THOP1: variants seen among roughly 807,000 people sequenced by gnomAD.
THOP1 encodes thimet oligopeptidase.
THOP1 carries 49 observed loss-of-function variants against 71.8 expected under a neutral mutation model. The ratio of observed to expected loss-of-function variants is 0.68; its 90% confidence interval spans 0.54 to 0.87. The LOEUF (loss-of-function observed/expected upper bound fraction) is 0.87. THOP1 is among the 40% of genes least tolerant of loss of function. The pLI is 0.00. For synonymous variants in THOP1, 426 were observed against 421.5 expected (o/e 1.01, Z -0.13); for missense variants, 843 against 975.6 (o/e 0.86, Z 1.81).
intron 1 of THOP1, among the ~76,000 whole-genome samples, chr19:2,788,038 G>A (rs1227296756): frequency 1.3e-5 from 2 of 152,196 alleles, no homozygotes; most frequent in Non-Finnish European, 2.9e-5. Context: ...AATTCTGAAT[G>A]TTAAAATGTC....
chr19:2,800,842 TCCCGCGGCCACCCGCACCGTC>T (rs1458111637), intron 5 of THOP1, among the ~76,000 whole-genome samples: 9 of 151,888 alleles, frequency 5.9e-5, no homozygotes, highest in Non-Finnish European at 1.2e-4. Context: ...ACCCACGCCA[TCCCGCGGCCACCCGCACCGTC>T]CCCGCGGCCA....
rs1470492667 is a variant in THOP1 at position 2,785,610 on chromosome 19, G to A, written c.-53G>A. On this transcript the variant is annotated 5_prime_UTR_variant, in exon 1 of 13. The change creates a premature stop within an existing upstream ORF in the 5' untranslated region. Coordinates refer to ENST00000307741, the MANE Select transcript of THOP1 (RefSeq NM_003249.5). ...GCGGCCTCAGTGGCCGAGGTGGCTG[G>A]ACGCGTAGCAGGTGGAAGGAGGGAG... is the stretch of plus-strand genomic sequence containing the variant. The A allele has an allele frequency of 6.7e-6, 10 of 1,498,430 alleles. No individual in the cohort carries two copies. The highest frequency in any genetic ancestry group is 8.9e-6 in the Non-Finnish European group (10 of 1,125,640). The allele number at this position is 1,498,430 out of a possible 1,614,324, so 92.8% of individuals were successfully genotyped here. A position where few individuals can be genotyped will look rare whatever the true frequency, so the allele number is the denominator to read the frequency against.
chr19:2,810,139 G>T lies in THOP1; in HGVS notation c.1456-165G>T, dbSNP rs1485124542. The T allele has an allele frequency of 5.8e-6, 5 of 865,146 alleles. No individual in the cohort carries two copies. The African/African-American group carries it at 8.5e-5, about 15-fold the overall frequency. The allele number at this position is 865,146 out of a possible 1,614,324, so 53.6% of individuals were successfully genotyped here. On this transcript the variant is annotated intron_variant, in intron 9 of 12. Transcript: ENST00000307741. ...ACCGGCAGCCAGCAGCAGCCCAGGG[G>T]CCTCCGGGTCCCGGTCGTTTTCCAG...
chr19:2,800,042 C>G (rs1052039590), intron 5 of THOP1, among the ~76,000 whole-genome samples: 1 of 152,244 alleles, frequency 6.6e-6, no homozygotes, highest in African/African-American at 2.4e-5. Flanking sequence ...AGATTCCACC[C>G]TGATAGAAAA....
rs1916324278 is a variant in THOP1 at position 2,807,474 on chromosome 19, G to C, written c.919G>C (p.Glu307Gln). The C allele has an allele frequency of 3.1e-6, 5 of 1,606,552 alleles. No individual in the cohort carries two copies. The highest frequency in any genetic ancestry group is 4.2e-6 in the Non-Finnish European group (5 of 1,176,668). ...ELAQKLKPLGEQERAVILELK... is the reference protein window; with the variant it reads ...ELAQKLKPLGQQERAVILELK... ...GGCGCAGAAGCTGAAGCCCCTGGGG[G>C]AGCAGGAGCGTGCGGTGATTCTGGA... is the stretch of plus-strand genomic sequence containing the variant. Residue 307 changes from glutamate to glutamine, a missense_variant, in exon 8 of 13, where the codon GAG becomes CAG. Glu to Gln is a conservative substitution (Grantham distance 29, BLOSUM62 2). Transcript: ENST00000307741.
At chr19:2,796,791 TG>T (rs1226598796) in intron 4 of THOP1, among the ~76,000 whole-genome samples, 2 of 152,142 alleles carry the variant, frequency 1.3e-5, no homozygotes, top group Non-Finnish European at 2.9e-5. Flanking sequence ...TTCTTCTGCC[TG>T]AGGACCTGAA....
At chr19:2,812,459 G>A in intron 12 of THOP1, 2 of 1,376,890 alleles carry the variant, frequency 1.5e-6, no homozygotes, top group Non-Finnish European at 1.9e-6. Flanking sequence ...GGTCCGACAA[G>A]CCCCCTGTCT....
rs368323221 is a variant in THOP1, at chr19:2,813,197, G to A, written c.1991G>A (p.Arg664His). ...GCCATGCTGAGGCGCTTCCTGGGCCGTGACCCCAAGCAGGACGCCTTCCTC... is the reference window on the plus strand; with the variant it reads ...GCCATGCTGAGGCGCTTCCTGGGCCATGACCCCAAGCAGGACGCCTTCCTC... ...ASAMLRRFLG[R>H]DPKQDAFLLS... Residue 664 changes from arginine to histidine, a missense_variant, in exon 13 of 13, where the codon CGT becomes CAT. Arg to His is a conservative substitution (Grantham distance 29, BLOSUM62 0). Coordinates refer to ENST00000307741, the MANE Select transcript of THOP1 (RefSeq NM_003249.5). 5.2e-5 allele frequency: 84 copies of A among 1,612,330 alleles called. No homozygotes were observed. The highest frequency in any genetic ancestry group is 6.7e-5 in the Non-Finnish European group (79 of 1,179,788).
rs1916137990 is a variant in THOP1, at chr19:2,801,267, ACT to A, written c.589+1479_589+1480del. On this transcript the variant is annotated intron_variant, in intron 5 of 12. Transcript: ENST00000307741. This position sits in a 1 kb window ranked among gnomAD's most constrained non-coding sequence, Gnocchi z 5.1. The stretch of plus-strand genomic sequence containing the variant: ...GCATCAGCCAGCTGGTTCTGCACAG[ACT>A]CTGCTGGCTCATGTGGGTTCCAGCC... Among the ~76,000 whole-genome samples, 1 of 151,460 alleles carries A rather than the reference ACT, an allele frequency of 6.6e-6. No homozygotes were observed. Among genetic ancestry groups the A allele is most frequent in the Non-Finnish European group, 1.5e-5 (1 of 67,852 alleles).
rs1221426471 is a variant in THOP1, at chr19:2,805,786, AC to A, written c.750+611del. Among the ~76,000 whole-genome samples, 1 of 151,810 alleles carries A rather than the reference AC, an allele frequency of 6.6e-6. No homozygotes were observed. Among genetic ancestry groups the A allele is most frequent in the African/African-American group, 2.4e-5 (1 of 41,332 alleles). On this transcript the variant is annotated intron_variant, in intron 6 of 12. Transcript: ENST00000307741. This position sits in a 1 kb window ranked among gnomAD's most constrained non-coding sequence, Gnocchi z 6.6. ...GGCAAAAGGGGGATACACGCTGATCACTGCAAAGGGATGGGCGGGCACTGAT... is the reference window on the plus strand; with the variant it reads ...GGCAAAAGGGGGATACACGCTGATCATGCAAAGGGATGGGCGGGCACTGAT...
rs899844318 is a variant in THOP1 at position 2,814,308 on chromosome 19, G to C, written c.*1032G>C. On this transcript the variant is annotated 3_prime_UTR_variant, in exon 13 of 13. Transcript: ENST00000307741. ...CAAGTGGATGCTCCCCGTCTCTTCA[G>C]TCCCAGTGCTCTGATGTTTTCTCCC... The C allele has an allele frequency of 9.8e-5, 15 of 152,358 alleles. No homozygotes were observed. Among genetic ancestry groups the C allele is most frequent in the African/African-American group, 3.6e-4 (15 of 41,464 alleles). 9.4% of individuals were successfully genotyped at this position (152,358 alleles called of 1,614,324 possible). A position where few individuals can be genotyped will look rare whatever the true frequency, so the allele number is the denominator to read the frequency against.
chr19:2,808,128 C>A, intron 8 of THOP1, 115 bp from the exon 9 acceptor site: 1 of 1,235,082 alleles, frequency 8.1e-7, no homozygotes, highest in Non-Finnish European at 1.1e-6. Context: ...AGGTTTAGAA[C>A]CTCAGAGGTG....
intron 3 of THOP1, 160 bp from the exon 4 acceptor site, chr19:2,795,921 A>G (rs970485441): frequency 3.3e-5 from 19 of 581,634 alleles, no homozygotes; most frequent in Non-Finnish European, 5.3e-5. Flanking sequence ...CACAGGTTTT[A>G]TGTAGAGACA....
At chr19:2,796,864 T>C (rs908528467) in intron 4 of THOP1, among the ~76,000 whole-genome samples, 3 of 152,182 alleles carry the variant, frequency 2.0e-5, no homozygotes, top group African/African-American at 7.2e-5. Context: ...GGGGAGCCCC[T>C]CCACCCACTG....
rs1356960258 is a variant in THOP1 at position 2,815,807 on chromosome 19, A to G, written c.*2531A>G. Reference sequence around the variant, plus strand: ...GGAAATAAAGAATCGTAAAAAATACATATATTGGAACCTGTATGTTTTGTG... The same window carrying G: ...GGAAATAAAGAATCGTAAAAAATACGTATATTGGAACCTGTATGTTTTGTG... On this transcript the variant is annotated 3_prime_UTR_variant, in exon 13 of 13. Coordinates refer to ENST00000307741, the MANE Select transcript of THOP1 (RefSeq NM_003249.5). 1 of 152,248 alleles carries G rather than the reference A, an allele frequency of 6.6e-6. No homozygotes were observed. The highest frequency in any genetic ancestry group is 1.5e-5 in the Non-Finnish European group (1 of 68,044). 9.4% of individuals were successfully genotyped at this position (152,248 alleles called of 1,614,324 possible). A position where few individuals can be genotyped will look rare whatever the true frequency, so the allele number is the denominator to read the frequency against.
At position 2,785,620 on chromosome 19, in the gene THOP1, A is replaced by T. The variant is rs188408641; in HGVS notation, c.-43A>T. ...TGGCCGAGGTGGCTGGACGCGTAGC[A>T]GGTGGAAGGAGGGAGGGAGCCGCAG... is the stretch of plus-strand genomic sequence containing the variant. On this transcript the variant is annotated 5_prime_UTR_variant, in exon 1 of 13. Coordinates refer to ENST00000307741, the MANE Select transcript of THOP1 (RefSeq NM_003249.5). 1 of 1,504,256 alleles carries T rather than the reference A, an allele frequency of 6.6e-7. No individual in the cohort carries two copies. The highest frequency in any genetic ancestry group is 1.4e-5 in the African/African-American group (1 of 69,764). The allele number at this position is 1,504,256 out of a possible 1,614,324, so 93.2% of individuals were successfully genotyped here. A position where few individuals can be genotyped will look rare whatever the true frequency, so the allele number is the denominator to read the frequency against.
chr19:2,790,423 T>G lies in THOP1; in HGVS notation c.19T>G (p.Cys7Gly), dbSNP rs778439142. The G allele has an allele frequency of 1.3e-6, 2 of 1,537,024 alleles. No homozygotes were observed. Among genetic ancestry groups the G allele is most frequent in the Admixed American group, 2.1e-5 (1 of 48,442 alleles). The change falls in exon 2 of 13, where the codon TGT becomes GGT. Residue 7 changes from cysteine to glycine, a missense_variant and splice_region_variant. Physicochemically the swap from Cys to Gly is radical, Grantham distance 159. Transcript: ENST00000307741. The stretch of plus-strand genomic sequence containing the variant: ...CACTGGGTTTTGTTTCTGCGTAGCC[T>G]GTGCAGGAGACATGGCGGACGCAGC... Reference protein sequence around the residue: MKPPAACAGDMADAASP... With the variant: MKPPAAGAGDMADAASP...
intron 2 of THOP1, among the ~76,000 whole-genome samples, chr19:2,794,537 T>G (rs1333903426): frequency 6.6e-6 from 1 of 152,162 alleles, no homozygotes; most frequent in African/African-American, 2.4e-5. Context: ...CTTCGGTCTG[T>G]AAGATCTCCA....
At chr19:2,812,463 CCT>C (rs2144787193) in intron 12 of THOP1, 2 of 1,364,926 alleles carry the variant, frequency 1.5e-6, no homozygotes, top group African/African-American at 1.5e-5. Context: ...CGACAAGCCC[CCT>C]GTCTTCACAG....
Sources: allele counts gnomAD v4.1 joint callset (sites outside exome capture counted in the v4.1 genomes callset), GRCh38; gene constraint gnomAD v4.1.1; non-coding constraint Gnocchi (gnomAD v3.1); transcripts MANE v1.5; gene names NCBI Gene and HGNC (gene_info 2026-07-23, HGNC 2026-07-21).